TMEM106B: variants seen among roughly 807,000 people sequenced by gnomAD.
TMEM106B encodes the protein transmembrane protein 106B.
In TMEM106B, 15 loss-of-function variants were observed where a neutral mutation model predicts 31.1. The observed-to-expected ratio is 0.48, with a 90% CI of 0.32 to 0.74. TMEM106B has a LOEUF of 0.74. TMEM106B is among the 30% of genes least tolerant of loss of function. The probability of loss-of-function intolerance (pLI) is 0.03; values close to 1 mark genes in which losing one functional copy is unlikely to be tolerated. For synonymous variants in TMEM106B, 126 were observed against 112.5 expected, an observed-to-expected ratio of 1.12 and a Z score of -0.76; for missense variants, 283 against 327.3, an observed-to-expected ratio of 0.86 and a Z score of 1.04.
At chr7:12,222,530 C>T (rs1449743576) in intron 3 of TMEM106B, among the ~76,000 whole-genome samples, 1 of 152,088 alleles carries the variant, frequency 6.6e-6, no homozygotes, top group Non-Finnish European at 1.5e-5. Context: ...AAAAATAAAA[C>T]GCTGAAGTGT....
chr7:12,233,992 G>T lies in TMEM106B; in HGVS notation c.*2017G>T, dbSNP rs1347634605. 2 of 150,624 alleles carry T rather than the reference G, an allele frequency of 1.3e-5. No individual in the cohort carries two copies. Among genetic ancestry groups the T allele is most frequent in the Non-Finnish European group, 3.0e-5 (2 of 67,654 alleles). The allele number at this position is 150,624 out of a possible 1,614,324, so 9.3% of individuals were successfully genotyped here. ...TGTAAATTTTACACATTTAGTGACT[G>T]TGTAAAATAAAAAAAAAGTTATTTT... On this transcript the variant is annotated 3_prime_UTR_variant, in exon 8 of 8. Transcript: ENST00000396668.
At chr7:12,227,494 G>T (rs925314966) in intron 4 of TMEM106B, among the ~76,000 whole-genome samples, 11 of 151,934 alleles carry the variant, frequency 7.2e-5, no homozygotes, top group African/African-American at 2.4e-4. Context: ...ATATACAAAT[G>T]CACATTTCAA....
chr7:12,237,503 A>G lies in TMEM106B; in HGVS notation c.*5528A>G, dbSNP rs1409013262. 4 of 152,128 alleles carry G rather than the reference A, an allele frequency of 2.6e-5. No individual in the cohort carries two copies. Among genetic ancestry groups the G allele is most frequent in the African/African-American group, 9.7e-5 (4 of 41,426 alleles). The allele number at this position is 152,128 out of a possible 1,614,324, so 9.4% of individuals were successfully genotyped here. ...TGAAATTTCCCTTGATATTATAGAC[A>G]TACCTTGGATATATTGCAGGTTTGG... On this transcript the variant is annotated 3_prime_UTR_variant, in exon 8 of 8. Coordinates refer to ENST00000396668, the MANE Select transcript of TMEM106B (RefSeq NM_001134232.2).
Position 12,240,626 on chromosome 7 carries a change from G to A in TMEM106B, c.*8651G>A, listed in dbSNP as rs1445621363. On this transcript the variant is annotated 3_prime_UTR_variant, in exon 8 of 8. Transcript: ENST00000396668. ...GTATTACCTGAATGTGCTCCTCCTAGCCAGTTTCTCAAGGGAGAAGAATCA... is the reference window on the plus strand; with the variant it reads ...GTATTACCTGAATGTGCTCCTCCTAACCAGTTTCTCAAGGGAGAAGAATCA... 2 of 151,048 alleles carry A rather than the reference G, an allele frequency of 1.3e-5. No homozygotes were observed. Among genetic ancestry groups the A allele is most frequent in the East Asian group, 1.9e-4 (1 of 5,162 alleles). The allele number at this position is 151,048 out of a possible 1,614,324, so 9.4% of individuals were successfully genotyped here.
chr7:12,227,455 G>A (rs1781922963), intron 4 of TMEM106B, among the ~76,000 whole-genome samples: 1 of 151,968 alleles, frequency 6.6e-6, no homozygotes, highest in African/African-American at 2.4e-5. Context: ...TCATTCTCAT[G>A]TGTAAAGGAT....
chr7:12,231,404 G>C, intron 7 of TMEM106B: 1 of 308,652 alleles, frequency 3.2e-6, no homozygotes, highest in Non-Finnish European at 5.9e-6. Context: ...TTACTCCCTT[G>C]ACAAATAGTC....
rs1782215643 is a variant in TMEM106B at position 12,240,209 on chromosome 7, T to C, written c.*8234T>C. 1 of 152,174 alleles carries C rather than the reference T, an allele frequency of 6.6e-6. No individual in the cohort carries two copies. 9.4% of individuals were successfully genotyped at this position (152,174 alleles called of 1,614,324 possible). On this transcript the variant is annotated 3_prime_UTR_variant, in exon 8 of 8. Transcript: ENST00000396668. ...ACAGTTCATTCCTTTATCCCTTCGC[T>C]CATTCTGTTCCTTTTTTCTTAGAAA...
chr7:12,228,173 GA>G (rs1253583461), intron 4 of TMEM106B, among the ~76,000 whole-genome samples: 3 of 151,670 alleles, frequency 2.0e-5, no homozygotes, highest in African/African-American at 4.8e-5. Context: ...TTACATTTGT[GA>G]CTATACCAAT....
At position 12,237,270 on chromosome 7, in the gene TMEM106B, G is replaced by C. The variant is rs1360512618; in HGVS notation, c.*5295G>C. 1 of 151,984 alleles carries C rather than the reference G, an allele frequency of 6.6e-6. No homozygotes were observed. The highest frequency in any genetic ancestry group is 1.5e-5 in the Non-Finnish European group (1 of 67,956). 9.4% of individuals were successfully genotyped at this position (151,984 alleles called of 1,614,324 possible). ...AAATTTGTATCACTTATGTATTTTGGCTATGCTTTTGAAATTTCCTTAACA... is the reference window on the plus strand; with the variant it reads ...AAATTTGTATCACTTATGTATTTTGCCTATGCTTTTGAAATTTCCTTAACA... On this transcript the variant is annotated 3_prime_UTR_variant, in exon 8 of 8. Coordinates refer to ENST00000396668, the MANE Select transcript of TMEM106B (RefSeq NM_001134232.2).
intron 3 of TMEM106B, among the ~76,000 whole-genome samples, chr7:12,220,141 TAAAAC>T (rs1167309921): frequency 3.9e-5 from 6 of 152,170 alleles, no homozygotes; most frequent in South Asian, 2.1e-4. Flanking sequence ...ATCAGGAAAA[TAAAAC>T]AAACCAAGGA....
rs1277932037 is a variant in TMEM106B at position 12,224,271 on chromosome 7, T to C, written c.327T>C (p.Ser109=). Residue 109 remains serine, a synonymous_variant, in exon 4 of 8, where the codon TCT becomes TCC. Transcript: ENST00000396668. The part of the protein sequence containing the change: ...MASVFVCLLL[S]GLAVFFLFPR... ...CTGTGTTTGTCTGTCTACTCCTTTCTGGATTGGCTGTGTTTTTCCTTTTCC... is the reference window on the plus strand; with the variant it reads ...CTGTGTTTGTCTGTCTACTCCTTTCCGGATTGGCTGTGTTTTTCCTTTTCC... 3 of 1,614,004 alleles carry C rather than the reference T, an allele frequency of 1.9e-6. No individual in the cohort carries two copies. Among genetic ancestry groups the C allele is most frequent in the African/African-American group, 2.7e-5 (2 of 74,944 alleles).
chr7:12,221,305 G>A (rs1781783901), intron 3 of TMEM106B, among the ~76,000 whole-genome samples: 1 of 152,126 alleles, frequency 6.6e-6, no homozygotes, highest in East Asian at 1.9e-4. Flanking sequence ...GTTCCAAATG[G>A]CAAAGAGAAT....
At chr7:12,226,294 G>GTCAGGTAGCA (rs1044299166) in intron 4 of TMEM106B, among the ~76,000 whole-genome samples, 4 of 152,092 alleles carry the variant, frequency 2.6e-5, no homozygotes, top group Non-Finnish European at 2.9e-5. Context: ...ATAGTTTGAA[G>GTCAGGTAGCA]TGATGCCTCC....
In TMEM106B at chr7:12,235,382, TTTTA is replaced by T. The variant is rs1782111360; in HGVS notation, c.*3411_*3414del. Reference sequence around the variant, plus strand: ...AGTATGGAACATTTAAATGGCTATATTTTATTTGTGTACAGTTTTTCTGTGCCTT... The same window carrying T: ...AGTATGGAACATTTAAATGGCTATATTTTGTGTACAGTTTTTCTGTGCCTT... On this transcript the variant is annotated 3_prime_UTR_variant, in exon 8 of 8. Coordinates refer to ENST00000396668, the MANE Select transcript of TMEM106B (RefSeq NM_001134232.2). The T allele has an allele frequency of 6.6e-6, 1 of 152,342 alleles. No individual in the cohort carries two copies. The highest frequency in any genetic ancestry group is 2.4e-5 in the African/African-American group (1 of 41,448). The allele number at this position is 152,342 out of a possible 1,614,324, so 9.4% of individuals were successfully genotyped here.
rs1187407746 is a variant in TMEM106B at position 12,241,465 on chromosome 7, T to TGAG, written c.*9490_*9491insGAG. On this transcript the variant is annotated 3_prime_UTR_variant, in exon 8 of 8. Coordinates refer to ENST00000396668, the MANE Select transcript of TMEM106B (RefSeq NM_001134232.2). Reference sequence around the variant, plus strand: ...CCCTCCCTGTGTCCATCTGTTCTCATTGTTCAACTCCCACTTATGAGTGGC... The same window carrying TGAG: ...CCCTCCCTGTGTCCATCTGTTCTCATGAGTGTTCAACTCCCACTTATGAGTGGC... 6.9e-6 allele frequency: 1 copy of TGAG among 145,876 alleles called. No individual in the cohort carries two copies. The highest frequency in any genetic ancestry group is 2.7e-5 in the African/African-American group (1 of 36,522). The allele number at this position is 145,876 out of a possible 1,614,324, so 9.0% of individuals were successfully genotyped here. A position where few individuals can be genotyped will look rare whatever the true frequency, so the allele number is the denominator to read the frequency against.
In TMEM106B at chr7:12,234,949, G is replaced by A. The variant is rs1782100222; in HGVS notation, c.*2974G>A. The stretch of plus-strand genomic sequence containing the variant: ...CACGTACTTACTAAGTAGTACAACT[G>A]GAGCAAGATCAAGTATCTCTGTCTC... On this transcript the variant is annotated 3_prime_UTR_variant, in exon 8 of 8. Coordinates refer to ENST00000396668, the MANE Select transcript of TMEM106B (RefSeq NM_001134232.2). 6.6e-6 allele frequency: 1 copy of A among 151,780 alleles called. No individual in the cohort carries two copies. The highest frequency in any genetic ancestry group is 2.4e-5 in the African/African-American group (1 of 41,396). 9.4% of individuals were successfully genotyped at this position (151,780 alleles called of 1,614,324 possible).
At chr7:12,215,607 G>T (rs111771064) in intron 2 of TMEM106B, 10 of 366,228 alleles carry the variant, frequency 2.7e-5, no homozygotes, top group African/African-American at 4.3e-5. Flanking sequence ...TAATAAGGAT[G>T]GAGTTTCCCC....
chr7:12,230,245 TC>T (rs1228522099), intron 5 of TMEM106B, 143 bp from the exon 6 acceptor site: 1 of 710,298 alleles, frequency 1.4e-6, no homozygotes, highest in East Asian at 2.6e-5. Context: ...AAGAAATGTG[TC>T]TTATACACAT....
At chr7:12,224,870 GT>G (rs1174169969) in intron 4 of TMEM106B, among the ~76,000 whole-genome samples, 306 of 141,974 alleles carry the variant, frequency 2.2e-3, no homozygotes, top group Middle Eastern at 7.3e-3. Context: ...AAAATGCCGT[GT>G]TTTTTTTTTT....
Sources: allele counts gnomAD v4.1 joint callset (sites outside exome capture counted in the v4.1 genomes callset), GRCh38; gene constraint gnomAD v4.1.1; transcripts MANE v1.5; gene names NCBI Gene and HGNC (gene_info 2026-07-23, HGNC 2026-07-21).